PLCL1: variants seen among roughly 807,000 people sequenced by gnomAD.
PLCL1 encodes the protein inactive phospholipase C-like protein 1.
In PLCL1, 41 loss-of-function variants were observed where a neutral mutation model predicts 84.4. The ratio of observed to expected loss-of-function variants is 0.49; its 90% CI spans 0.38 to 0.63. PLCL1 has a LOEUF of 0.63. PLCL1 is among the 30% of genes least tolerant of loss of function. PLCL1 has a pLI of 0.00. For synonymous variants in PLCL1, 490 were observed against 488.3 expected (o/e 1.00, Z -0.05); for missense variants, 1,206 against 1,367.8 (o/e 0.88, Z 1.87).
intron 1 of PLCL1, among the ~76,000 whole-genome samples, chr2:197,959,748 AC>A (rs1432482202): frequency 1.3e-5 from 2 of 152,070 alleles, no homozygotes; most frequent in African/African-American, 4.8e-5. Flanking sequence ...GGGAAAAAAA[AC>A]AACAACAAAC....
rs1693414929 is a variant in PLCL1, at chr2:198,104,216, G to C, written c.3105+280G>C. ...CACCCTCCATCCTCATGTAGTCCCT[G>C]GTGTCTGCTGTTCCTCTCTTTGTGT... On this transcript the variant is annotated intron_variant, in intron 5 of 5. Transcript: ENST00000428675. Among the ~76,000 whole-genome samples the C allele has an allele frequency of 2.6e-5, 4 of 151,582 alleles. No individual in the cohort carries two copies. In the South Asian group the frequency reaches 8.3e-4, roughly 32 times the overall value.
intron 1 of PLCL1, among the ~76,000 whole-genome samples, chr2:198,019,085 C>G (rs1691070875): frequency 6.6e-6 from 1 of 152,160 alleles, no homozygotes; most frequent in Non-Finnish European, 1.5e-5. Flanking sequence ...GATACCCAGG[C>G]AAACAGGGTC....
intron 1 of PLCL1, among the ~76,000 whole-genome samples, chr2:197,932,338 A>G (rs1688952046): frequency 6.6e-6 from 1 of 152,160 alleles, no homozygotes; most frequent in Admixed American, 6.6e-5. Flanking sequence ...AGGTACTTAC[A>G]CTTTTTTGAC....
chr2:197,980,121 C>T (rs536001381), intron 1 of PLCL1, among the ~76,000 whole-genome samples: 5 of 152,222 alleles, frequency 3.3e-5, no homozygotes, highest in African/African-American at 9.6e-5. Context: ...ATGCAGAAAG[C>T]GGAAGAGAAG....
intron 5 of PLCL1, among the ~76,000 whole-genome samples, chr2:198,118,737 G>T (rs1443633197): frequency 3.3e-5 from 5 of 151,968 alleles, no homozygotes; most frequent in Non-Finnish European, 7.4e-5. Context: ...CTGCACAACC[G>T]TAGGGGGTGC....
intron 1 of PLCL1, among the ~76,000 whole-genome samples, chr2:197,881,533 G>A (rs559778662): frequency 1.3e-5 from 2 of 152,092 alleles, no homozygotes; most frequent in East Asian, 3.9e-4. Flanking sequence ...GTGTGTGTGT[G>A]TGTGTGAGCT....
chr2:198,075,693 CT>C (rs893349638), intron 1 of PLCL1, among the ~76,000 whole-genome samples: 1 of 152,194 alleles, frequency 6.6e-6, no homozygotes, highest in Non-Finnish European at 1.5e-5. Context: ...TCATGAACAT[CT>C]TTAATGTTAT....
chr2:198,122,726 G>T (rs113635430), intron 5 of PLCL1, among the ~76,000 whole-genome samples: 27 of 152,088 alleles, frequency 1.8e-4, no homozygotes, highest in African/African-American at 5.8e-4. Context: ...GCATATGACT[G>T]ATTGGAACTG....
chr2:197,932,464 C>G (rs1282396575), intron 1 of PLCL1, among the ~76,000 whole-genome samples: 1 of 152,084 alleles, frequency 6.6e-6, no homozygotes, highest in East Asian at 1.9e-4. Flanking sequence ...TCACCCACCA[C>G]CTAGATTTTA....
At chr2:198,044,791 G>A (rs1220129231) in intron 1 of PLCL1, among the ~76,000 whole-genome samples, 1 of 152,114 alleles carries the variant, frequency 6.6e-6, no homozygotes, top group African/African-American at 2.4e-5. Context: ...GGTGAGGGGA[G>A]GGGCACTTTA....
intron 1 of PLCL1, among the ~76,000 whole-genome samples, chr2:197,941,332 C>A (rs1413423250): frequency 6.6e-6 from 1 of 151,556 alleles, no homozygotes; most frequent in Admixed American, 6.6e-5. Context: ...CGCTGTGTTG[C>A]CCAGCCTGGA....
At chr2:197,931,743 A>C (rs925134014) in intron 1 of PLCL1, among the ~76,000 whole-genome samples, 1 of 141,408 alleles carries the variant, frequency 7.1e-6, no homozygotes, top group Non-Finnish European at 1.5e-5. Context: ...TAACCTTTTC[A>C]TAGGACAGAG....
At position 198,055,329 on chromosome 2, in the gene PLCL1, C is replaced by CTCTCTCTCTGTG. The variant is rs374518934; in HGVS notation, c.241-28428_241-28427insCTCTCTCTGTGT. On this transcript the variant is annotated intron_variant, in intron 1 of 5. Coordinates refer to ENST00000428675, the MANE Select transcript of PLCL1 (RefSeq NM_006226.4). ...TCTCTCTCTCTCTCTCTCTCTCTCT[C>CTCTCTCTCTGTG]TGTGTGTGTGTGTGTCTGTGTATGA... Among the ~76,000 whole-genome samples the CTCTCTCTCTGTG allele has an allele frequency of 3.6e-4, 40 of 112,340 alleles. 1 individual carries two copies. In the South Asian group the frequency reaches 0.012, roughly 34 times the overall value. 73.7% of individuals were successfully genotyped at this position (112,340 alleles called of 152,430 possible). A position where few individuals can be genotyped will look rare whatever the true frequency, so the allele number is the denominator to read the frequency against.
intron 1 of PLCL1, among the ~76,000 whole-genome samples, chr2:198,043,014 G>A (rs772682022): frequency 6.6e-6 from 1 of 152,172 alleles, no homozygotes; most frequent in African/African-American, 2.4e-5. Context: ...GGACACCAAT[G>A]ATTTCCAAGA....
At chr2:197,958,361 T>A (rs1017603631) in intron 1 of PLCL1, among the ~76,000 whole-genome samples, 2 of 149,932 alleles carry the variant, frequency 1.3e-5, no homozygotes, top group African/African-American at 4.9e-5. Flanking sequence ...GCTTATGAGC[T>A]AAAAAAAAAG....
At chr2:198,006,309 T>C (rs1449481250) in intron 1 of PLCL1, among the ~76,000 whole-genome samples, 2 of 152,220 alleles carry the variant, frequency 1.3e-5, no homozygotes, top group East Asian at 3.8e-4. Flanking sequence ...TGTGTGGGCA[T>C]GTGTGCTTGC....
intron 1 of PLCL1, among the ~76,000 whole-genome samples, chr2:197,972,532 C>T (rs1004451077): frequency 3.3e-5 from 5 of 152,162 alleles, no homozygotes; most frequent in Admixed American, 2.0e-4. Flanking sequence ...AAGAAATTAT[C>T]CTTCATCATC....
chr2:198,121,881 C>T (rs1693876142), intron 5 of PLCL1, among the ~76,000 whole-genome samples: 1 of 151,982 alleles, frequency 6.6e-6, no homozygotes, highest in South Asian at 2.1e-4. Flanking sequence ...TTTTTCTCCT[C>T]CTTCTGGTGG....
intron 1 of PLCL1, among the ~76,000 whole-genome samples, chr2:198,022,601 A>G (rs559859772): frequency 1.1e-4 from 16 of 152,330 alleles, no homozygotes; most frequent in South Asian, 1.0e-3. Flanking sequence ...CTACACACCA[A>G]TAACAGACAA....
Sources: gnomAD v4.1 joint callset for allele counts (sites outside exome capture counted in the v4.1 genomes callset) on GRCh38, gnomAD v4.1.1 for gene constraint, MANE v1.5 for transcripts, NCBI Gene and HGNC (gene_info 2026-07-23, HGNC 2026-07-21) for gene names.